The following RPS6KA2 variants were observed in gnomAD, a reference collection of about 807,000 sequenced individuals.
RPS6KA2 encodes the protein ribosomal protein S6 kinase A2.
In RPS6KA2, 42 loss-of-function variants were observed where a neutral mutation model predicts 91.8. The ratio of observed to expected loss-of-function variants is 0.46; its 90% CI spans 0.36 to 0.59. The LOEUF (loss-of-function observed/expected upper bound fraction) is 0.59. Ranked by LOEUF, RPS6KA2 falls within the 20% of genes least tolerant of loss-of-function variation. The probability of loss-of-function intolerance (pLI) is 0.00; values close to 1 mark genes in which losing one functional copy is unlikely to be tolerated. For synonymous variants in RPS6KA2, 414 were observed against 393.6 expected (o/e 1.05, Z -0.61); for missense variants, 798 against 978.5 (o/e 0.82, Z 2.46).
chr6:166,840,978 A>C (rs1780460169), intron 2 of RPS6KA2, among the ~76,000 whole-genome samples: 3 of 151,976 alleles, frequency 2.0e-5, no homozygotes. Context: ...AAAAAAAAGA[A>C]AAAAGAAAAA....
chr6:166,564,138 C>T (rs918139476), intron 1 of RPS6KA2, among the ~76,000 whole-genome samples: 6 of 152,210 alleles, frequency 3.9e-5, no homozygotes, highest in Admixed American at 1.3e-4. Context: ...TAACATTTCC[C>T]GGGAAAATGC....
At chr6:166,481,959 G>A (rs1179990304) in intron 10 of RPS6KA2, among the ~76,000 whole-genome samples, 1 of 151,376 alleles carries the variant, frequency 6.6e-6, no homozygotes, top group Admixed American at 6.6e-5. Context: ...CCTCTGCTGA[G>A]TTCTCTGGTA....
chr6:166,517,455 G>GTTTTTTTTT lies in RPS6KA2; in HGVS notation c.299-7107_299-7099dup, dbSNP rs71032809. Reference sequence around the variant, plus strand: ...ACCACTTAAGGCGTTCTTTTGTTTTGTTTTTTTTTTTTTTTTTTTTTTTTT... The same window carrying GTTTTTTTTT: ...ACCACTTAAGGCGTTCTTTTGTTTTGTTTTTTTTTTTTTTTTTTTTTTTTTTTTTTTTTT... On this transcript the variant is annotated intron_variant, in intron 3 of 20. Coordinates refer to ENST00000265678, the MANE Select transcript of RPS6KA2 (RefSeq NM_021135.6). Among the ~76,000 whole-genome samples the GTTTTTTTTT allele has an allele frequency of 5.7e-4, 60 of 104,914 alleles. 4 individuals are homozygous for GTTTTTTTTT. Among genetic ancestry groups the GTTTTTTTTT allele is most frequent in the African/African-American group, 1.8e-3 (41 of 22,508 alleles). 68.8% of individuals were successfully genotyped at this position (104,914 alleles called of 152,430 possible). A position where few individuals can be genotyped will look rare whatever the true frequency, so the allele number is the denominator to read the frequency against.
intron 3 of RPS6KA2, among the ~76,000 whole-genome samples, chr6:166,517,467 T>TG (rs1162678871): frequency 1.8e-5 from 1 of 56,506 alleles, no homozygotes; most frequent in East Asian, 1.0e-3. Context: ...TTTTTTTTTT[T>TG]TTTTTTTTTT....
At chr6:166,543,192 C>A (rs6456091) in intron 1 of RPS6KA2, among the ~76,000 whole-genome samples, 4 of 152,006 alleles carry the variant, frequency 2.6e-5, no homozygotes, top group South Asian at 2.1e-4. Flanking sequence ...ATCATATAAA[C>A]GCTTAATGAC....
Position 166,676,247 on chromosome 6 carries a change from G to C in RPS6KA2, c.124-137463C>G, listed in dbSNP as rs143699888. Among the ~76,000 whole-genome samples, 574 of 151,888 alleles carry C rather than the reference G, an allele frequency of 3.8e-3. 3 individuals are homozygous for C. Among genetic ancestry groups the C allele is most frequent in the African/African-American group, 0.013 (531 of 41,368 alleles). On this transcript the variant is annotated intron_variant, in intron 2 of 21. Transcript: ENST00000503859. Reference sequence around the variant, plus strand: ...CAGGAGAATCACTTGAAACCAGGAGGCGGAGGTTGCAGTGAACCAAGATCA... The same window carrying C: ...CAGGAGAATCACTTGAAACCAGGAGCCGGAGGTTGCAGTGAACCAAGATCA...
chr6:166,564,614 T>C (rs1784439129), intron 1 of RPS6KA2, among the ~76,000 whole-genome samples: 2 of 152,254 alleles, frequency 1.3e-5, no homozygotes, highest in Admixed American at 1.3e-4. Context: ...TCTAGGCATC[T>C]ATCTTGCACT....
chr6:166,637,103 G>C (rs1787269997), intron 2 of RPS6KA2, among the ~76,000 whole-genome samples: 1 of 152,194 alleles, frequency 6.6e-6, no homozygotes, highest in Non-Finnish European at 1.5e-5. Context: ...CAGGCAGGAT[G>C]ACTTTGTGGG....
chr6:166,434,663 G>C lies in RPS6KA2; in HGVS notation c.1333-2173C>G, dbSNP rs74791488. Among the ~76,000 whole-genome samples, 2 of 152,046 alleles carry C rather than the reference G, an allele frequency of 1.3e-5. No homozygotes were observed. Among genetic ancestry groups the C allele is most frequent in the South Asian group, 4.1e-4 (2 of 4,820 alleles). ...AAAGAATTCAGTAGAAGATTTTTTC[G>C]CAAATATGATTTCATGATAAAGGGA... is the stretch of plus-strand genomic sequence containing the variant. On this transcript the variant is annotated intron_variant, in intron 14 of 20. Coordinates refer to ENST00000265678, the MANE Select transcript of RPS6KA2 (RefSeq NM_021135.6). This position sits in a 1 kb window ranked among gnomAD's most constrained non-coding sequence, Gnocchi z 4.4.
intron 1 of RPS6KA2, among the ~76,000 whole-genome samples, chr6:166,616,004 T>TGTA (rs1376041530): frequency 2.0e-5 from 3 of 152,138 alleles, no homozygotes; most frequent in Non-Finnish European, 4.4e-5. Context: ...ACCCAATCCC[T>TGTA]GTAACAGCAG....
intron 2 of RPS6KA2, among the ~76,000 whole-genome samples, chr6:166,751,482 G>A (rs765606604): frequency 5.9e-5 from 9 of 152,240 alleles, no homozygotes; most frequent in South Asian, 2.1e-4. Context: ...AAGCTGCACC[G>A]CAGGGCGTGG....
intron 15 of RPS6KA2, 56 bp downstream of exon 15, chr6:166,432,345 G>A (rs897287711): frequency 3.4e-6 from 4 of 1,163,124 alleles, no homozygotes; most frequent in Non-Finnish European, 5.1e-6. Context: ...TGGGAGTTTT[G>A]TGTCAGTTGA....
In RPS6KA2 at chr6:166,670,977, C is replaced by T. The variant is rs193175075; in HGVS notation, c.124-132193G>A. ...CTGGGATTACAGCCTCGTGCCACCA[C>T]GCTCAGCTAATTTTTTGTAGAGACA... On this transcript the variant is annotated intron_variant, in intron 2 of 21. Coordinates refer to the RPS6KA2 transcript ENST00000503859. Among the ~76,000 whole-genome samples the T allele has an allele frequency of 2.0e-4, 30 of 152,302 alleles. 1 individual carries two copies. The highest frequency in any genetic ancestry group is 1.5e-3 in the Admixed American group (23 of 15,300).
chr6:166,580,380 G>T (rs967278811), intron 1 of RPS6KA2, among the ~76,000 whole-genome samples: 1 of 152,240 alleles, frequency 6.6e-6, no homozygotes, highest in African/African-American at 2.4e-5. Flanking sequence ...AACTTCAGAG[G>T]TGTCCAGTCT....
In RPS6KA2 at chr6:166,412,603, C is replaced by G; in HGVS notation, c.*159G>C. ...CTTGGAGAAGCCCCCAGGTCAGGAC[C>G]CTCTCCGGGGCTGAAAAAGAAAACA... On this transcript the variant is annotated 3_prime_UTR_variant, in exon 21 of 21. Coordinates refer to ENST00000265678, the MANE Select transcript of RPS6KA2 (RefSeq NM_021135.6). This position sits in a 1 kb window ranked among gnomAD's most constrained non-coding sequence, Gnocchi z 4.3. 1 of 701,880 alleles carries G rather than the reference C, an allele frequency of 1.4e-6. No individual in the cohort carries two copies. Among genetic ancestry groups the G allele is most frequent in the Non-Finnish European group, 2.3e-6 (1 of 444,288 alleles). 43.5% of individuals were successfully genotyped at this position (701,880 alleles called of 1,614,324 possible). A position where few individuals can be genotyped will look rare whatever the true frequency, so the allele number is the denominator to read the frequency against.
chr6:166,660,367 CAT>C (rs1236652981), intron 2 of RPS6KA2, among the ~76,000 whole-genome samples: 1 of 137,778 alleles, frequency 7.3e-6, no homozygotes. Flanking sequence ...TGCGTGTGTG[CAT>C]GTGTGTGCAT....
chr6:166,794,064 A>C (rs200478808), intron 2 of RPS6KA2, among the ~76,000 whole-genome samples: 1 of 131,592 alleles, frequency 7.6e-6, no homozygotes, highest in Non-Finnish European at 1.7e-5. Flanking sequence ...AGAGTGAACA[A>C]GCAACCTACA....
chr6:166,501,023 G>T, intron 6 of RPS6KA2, 99 bp from the exon 7 acceptor site: 2 of 1,112,096 alleles, frequency 1.8e-6, no homozygotes, highest in Non-Finnish European at 2.7e-6. Context: ...GCTGGGGGCG[G>T]ACGTTTTCAG....
chr6:166,430,548 C>A lies in RPS6KA2; in HGVS notation c.1486G>T (p.Asp496Tyr). ...MELMRGGELLDRILRQRYFSE... is the reference protein window; with the variant it reads ...MELMRGGELLYRILRQRYFSE... The stretch of plus-strand genomic sequence containing the variant: ...AAGTATCTCTGCCGGAGGATGCGGT[C>A]CAGGAGCTCCCCACCACGCATCAGC... Residue 496 changes from aspartate to tyrosine, a missense_variant, in exon 16 of 21, where the codon GAC becomes TAC. By Grantham distance (160) the Asp-to-Tyr change is radical. Transcript: ENST00000265678. 6.2e-7 allele frequency: 1 copy of A among 1,614,062 alleles called. No individual in the cohort carries two copies. The highest frequency in any genetic ancestry group is 1.1e-5 in the South Asian group (1 of 91,054).
Sources: allele counts gnomAD v4.1 joint callset (sites outside exome capture counted in the v4.1 genomes callset), GRCh38; gene constraint gnomAD v4.1.1; non-coding constraint Gnocchi (gnomAD v3.1); transcripts MANE v1.5; gene names NCBI Gene and HGNC (gene_info 2026-07-23, HGNC 2026-07-21).